ATAT1: variants seen among roughly 807,000 people sequenced by gnomAD.
ATAT1 encodes the protein alpha-tubulin N-acetyltransferase 1.
A neutral mutation model predicts 57.2 loss-of-function variants in ATAT1; 42 were observed. The ratio of observed to expected loss-of-function variants is 0.73; its 90% CI spans 0.57 to 0.95. The LOEUF (loss-of-function observed/expected upper bound fraction) is 0.95, where lower values mean the gene tolerates loss of function less well. ATAT1 is among the 40% of genes least tolerant of loss of function. ATAT1 has a pLI of 0.00. For synonymous variants in ATAT1, 168 were observed against 187.1 expected (o/e 0.90, Z 0.83); for missense variants, 454 against 523.7 (o/e 0.87, Z 1.30).
chr6:30,628,368 C>T lies in ATAT1; in HGVS notation c.439C>T (p.Pro147Ser). 1 of 1,613,048 alleles carries T rather than the reference C, an allele frequency of 6.2e-7. No homozygotes were observed. The highest frequency in any genetic ancestry group is 2.2e-5 in the East Asian group (1 of 44,878). ...ACCGCACCAACTGGCAATTGACCGA[C>T]CCTCACAGAAGCTGCTGAAATTCCT... is the stretch of plus-strand genomic sequence containing the variant. Residue 147 changes from proline to serine, a missense_variant, in exon 6 of 13, where the codon CCC (proline) becomes TCC (serine). By Grantham distance (74) the Pro-to-Ser change is moderately conservative (BLOSUM62 -1). Around this residue, in one of 3 missense-constraint regions of ATAT1, gnomAD observed 236 missense variants for 284.5 expected, o/e 0.83. Coordinates refer to ENST00000330083, the MANE Select transcript of ATAT1 (RefSeq NM_001031722.4).
chr6:30,628,444 G>A lies in ATAT1; in HGVS notation c.501+14G>A, dbSNP rs919835094. The A allele has an allele frequency of 4.4e-6, 7 of 1,582,228 alleles. No individual in the cohort carries two copies. The highest frequency in any genetic ancestry group is 4.3e-6 in the Non-Finnish European group (5 of 1,152,286). ...ACAGTCCCACAGGTTAGAGGTTTCA[G>A]AGAATAGATCCCCACTGAGCATTCC... On this transcript the variant is annotated intron_variant, in intron 6 of 12. Coordinates refer to ENST00000330083, the MANE Select transcript of ATAT1 (RefSeq NM_001031722.4).
rs1761822325 is a variant in ATAT1 at position 30,627,073 on chromosome 6, C to A, written c.-131C>A. The A allele has an allele frequency of 6.5e-6, 10 of 1,550,228 alleles. No individual in the cohort carries two copies. Among genetic ancestry groups the A allele is most frequent in the Non-Finnish European group, 8.7e-6 (10 of 1,144,038 alleles). ...GTCCAGGCACCACGCCCCCTTCTCA[C>A]TGACTAGTGATCGCCCCTTTTGATG... On this transcript the variant is annotated 5_prime_UTR_variant, in exon 1 of 13. Coordinates refer to ENST00000330083, the MANE Select transcript of ATAT1 (RefSeq NM_001031722.4).
Position 30,642,831 on chromosome 6 carries a change from C to CGGGGGGGGCG in ATAT1, c.752_753insGGGGGGGGCG (p.Ala252GlyfsTer51). 3 of 1,583,196 alleles carry CGGGGGGGGCG rather than the reference C, an allele frequency of 1.9e-6. No individual in the cohort carries two copies. Among genetic ancestry groups the CGGGGGGGGCG allele is most frequent in the Non-Finnish European group, 2.6e-6 (3 of 1,162,424 alleles). On this transcript the variant is annotated frameshift_variant, in exon 10 of 13. Transcript: ENST00000330083. LOFTEE classifies it high-confidence loss of function. ...AGGGCCCCTCGCCGCGCCACACCTC[C>CGGGGGGGGCG]AGCCCACCCACCCCCCCGCTCCAGC...
At chr6:30,643,482 C>T (rs914766350) in intron 10 of ATAT1, 4 of 1,549,834 alleles carry the variant, frequency 2.6e-6, no homozygotes, top group Admixed American at 2.0e-5. Flanking sequence ...CCCCGCCCCC[C>T]GCCATTTCCC....
chr6:30,631,384 A>G (rs959281466), intron 6 of ATAT1, among the ~76,000 whole-genome samples: 1 of 152,122 alleles, frequency 6.6e-6, no homozygotes, highest in Non-Finnish European at 1.5e-5. Context: ...CTGAGGCAGG[A>G]GAATGGCGTG....
chr6:30,639,144 C>T (rs1442681321), intron 6 of ATAT1, among the ~76,000 whole-genome samples: 1 of 152,058 alleles, frequency 6.6e-6, no homozygotes, highest in African/African-American at 2.4e-5. Context: ...CCATGCCTGG[C>T]TAATTTTTTG....
At position 30,629,271 on chromosome 6, in the gene ATAT1, C is replaced by T. The variant is rs1762339943; in HGVS notation, c.501+841C>T. Among the ~76,000 whole-genome samples the T allele has an allele frequency of 3.4e-5, 5 of 148,632 alleles. No homozygotes were observed. The South Asian group carries it at 8.5e-4, about 25-fold the overall frequency. On this transcript the variant is annotated intron_variant, in intron 6 of 12. Transcript: ENST00000330083. ...TTTTTTTTTTTTTTGTGAGATGTAG[C>T]CTTGCTCCATCGTCCAGGCTGGATT...
chr6:30,640,558 G>T lies in ATAT1; in HGVS notation c.571G>T (p.Ala191Ser), dbSNP rs1185246035. 2 of 1,612,952 alleles carry T rather than the reference G, an allele frequency of 1.2e-6. No individual in the cohort carries two copies. Among genetic ancestry groups the T allele is most frequent in the Middle Eastern group, 1.7e-4 (1 of 6,054 alleles). ...AGGGCCCCCTGCTCCCTCTCTGAGG[G>T]CAACTCGACACTCTCGTGCTGCTGC... is the stretch of plus-strand genomic sequence containing the variant. The change falls in exon 8 of 13, where the codon GCA (alanine) becomes TCA (serine). Residue 191 changes from alanine (A) to serine (S), a missense_variant. Physicochemically the swap from Ala to Ser is moderately conservative, Grantham distance 99. Coordinates refer to ENST00000330083, the MANE Select transcript of ATAT1 (RefSeq NM_001031722.4).
intron 6 of ATAT1, among the ~76,000 whole-genome samples, chr6:30,635,549 A>G (rs1183767287): frequency 6.6e-6 from 1 of 151,610 alleles, no homozygotes; most frequent in Non-Finnish European, 1.5e-5. Flanking sequence ...AGATCATGCC[A>G]TTGCACTCCA....
Position 30,643,475 on chromosome 6 carries a change from C to T in ATAT1, c.932+464C>T, listed in dbSNP as rs375402383. 153 of 1,548,272 alleles carry T rather than the reference C, an allele frequency of 9.9e-5. 1 individual carries two copies. Among genetic ancestry groups the T allele is most frequent in the East Asian group, 9.1e-4 (37 of 40,866 alleles). Reference sequence around the variant, plus strand: ...CTGACTTCTCTGTTTTTCTCTCCCCCGCCCCCCGCCATTTCCCATCTCCCT... The same window carrying T: ...CTGACTTCTCTGTTTTTCTCTCCCCTGCCCCCCGCCATTTCCCATCTCCCT... On this transcript the variant is annotated intron_variant, in intron 10 of 12. Transcript: ENST00000330083.
Position 30,628,078 on chromosome 6 carries a change from A to G in ATAT1, c.332A>G (p.Asp111Gly), listed in dbSNP as rs1357072296. 5.6e-6 allele frequency: 9 copies of G among 1,612,918 alleles called. No individual in the cohort carries two copies. Residue 111 changes from aspartate to glycine, a missense_variant, in exon 5 of 13, where the codon GAC (aspartate) becomes GGC (glycine). By Grantham distance (94) the Asp-to-Gly change is moderately conservative. This residue lies in a region of ATAT1 where 236 missense variants were observed against 284.5 expected (regional missense o/e 0.83). Coordinates refer to ENST00000330083, the MANE Select transcript of ATAT1 (RefSeq NM_001031722.4). Reference sequence around the variant, plus strand: ...GAGGTAGAACCACTTTGCATCCTGGACTTTTACATCCATGAGTCTGTGCAA... The same window carrying G: ...GAGGTAGAACCACTTTGCATCCTGGGCTTTTACATCCATGAGTCTGTGCAA...
At chr6:30,636,728 CA>C (rs1764177268) in intron 6 of ATAT1, among the ~76,000 whole-genome samples, 1 of 151,978 alleles carries the variant, frequency 6.6e-6, no homozygotes, top group Non-Finnish European at 1.5e-5. Flanking sequence ...AAGGTCAAGG[CA>C]AGGGATAGGC....
At chr6:30,643,397 G>A (rs1362852086) in intron 10 of ATAT1, 14 of 1,480,408 alleles carry the variant, frequency 9.5e-6, no homozygotes, top group Middle Eastern at 1.8e-4. Flanking sequence ...AGAGTCCATC[G>A]CAGCAGGCAG....
chr6:30,638,385 T>A (rs1166756991), intron 6 of ATAT1, among the ~76,000 whole-genome samples: 2 of 151,878 alleles, frequency 1.3e-5, no homozygotes, highest in Admixed American at 6.6e-5. Flanking sequence ...CTCTCCCTCC[T>A]GGGGTCAATG....
chr6:30,643,129 G>A, intron 10 of ATAT1, 118 bp downstream of exon 10: 5 of 1,511,060 alleles, frequency 3.3e-6, no homozygotes, highest in Middle Eastern at 2.5e-4. Context: ...GCTTGGGGGG[G>A]GTCCTGAAAC....
At chr6:30,627,391 C>G in intron 1 of ATAT1, 69 bp from the exon 2 acceptor site, 1 of 1,600,704 alleles carries the variant, frequency 6.2e-7, no homozygotes, top group Non-Finnish European at 8.6e-7. Context: ...GCCCAGGTTC[C>G]CAGGACTGAC....
rs1402210292 is a variant in ATAT1 at position 30,642,199 on chromosome 6, A to C, written c.640A>C (p.Lys214Gln). The C allele has an allele frequency of 1.2e-6, 2 of 1,614,048 alleles. No individual in the cohort carries two copies. The highest frequency in any genetic ancestry group is 3.3e-5 in the Admixed American group (2 of 59,992). ...AGCTCCAGCAAGGAAGCTGCCACCC[A>C]AGAGAGCAGAGGGAGACATCAAGCC... Residue 214 changes from lysine (K) to glutamine (Q), a missense_variant, in exon 9 of 13, where the codon AAG (lysine) becomes CAG (glutamine). Around this residue, in one of 3 missense-constraint regions of ATAT1, gnomAD observed 236 missense variants for 284.5 expected, o/e 0.83. Coordinates refer to ENST00000330083, the MANE Select transcript of ATAT1 (RefSeq NM_001031722.4).
intron 6 of ATAT1, chr6:30,633,829 G>C (rs908144487): frequency 5.8e-6 from 1 of 172,074 alleles, no homozygotes; most frequent in Non-Finnish European, 1.4e-5. Context: ...GGAAGAGGAA[G>C]GTGATGGTGA....
chr6:30,639,035 C>T (rs1483233633), intron 6 of ATAT1, among the ~76,000 whole-genome samples: 1 of 152,156 alleles, frequency 6.6e-6, no homozygotes, highest in Non-Finnish European at 1.5e-5. Flanking sequence ...GGCTGGAGTG[C>T]AGTGGCACGA....
Sources: allele counts gnomAD v4.1 joint callset (sites outside exome capture counted in the v4.1 genomes callset), GRCh38; gene constraint gnomAD v4.1.1; regional missense constraint gnomAD v4.1.1; transcripts MANE v1.5; gene names NCBI Gene and HGNC (gene_info 2026-07-23, HGNC 2026-07-21).